Variants in KCNQ5 observed in about 807,000 individuals in gnomAD.
KCNQ5 encodes the protein potassium voltage-gated channel subfamily Q member 5.
A neutral mutation model predicts 98.2 loss-of-function variants in KCNQ5; 30 were observed. The ratio of observed to expected loss-of-function variants is 0.31; its 90% confidence interval spans 0.23 to 0.41. The LOEUF (loss-of-function observed/expected upper bound fraction) is 0.41. Among genes scored for constraint, KCNQ5 ranks in the 10% least tolerant of loss-of-function variants. The pLI is 1.00. For missense variants in KCNQ5, 835 were observed against 1,182.5 expected, an observed-to-expected ratio of 0.71 and a Z score of 4.31; for synonymous variants, 458 against 449.4, an observed-to-expected ratio of 1.02 and a Z score of -0.24.
At chr6:73,166,896 G>T (rs1006306248) in intron 10 of KCNQ5, among the ~76,000 whole-genome samples, 11 of 152,114 alleles carry the variant, frequency 7.2e-5, no homozygotes, top group African/African-American at 2.2e-4. Context: ...CATTTTTGCT[G>T]CATTTAGGGT....
rs181140353 is a variant in KCNQ5, at chr6:72,958,664, T to C, written c.399-45244T>C. ...GAGGCCTAACATATGAGGTACATAA[T>C]AAATATGTGTTCAATTAATGTTATC... is the stretch of plus-strand genomic sequence containing the variant. On this transcript the variant is annotated intron_variant, in intron 1 of 13. Coordinates refer to ENST00000370398, the MANE Select transcript of KCNQ5 (RefSeq NM_019842.4). Among the ~76,000 whole-genome samples the C allele has an allele frequency of 4.6e-5, 7 of 152,342 alleles. No individual in the cohort carries two copies. In the East Asian group the frequency reaches 1.3e-3, roughly 29 times the overall value.
intron 2 of KCNQ5, among the ~76,000 whole-genome samples, chr6:73,030,539 A>AATTTTTTTTT (rs1171053345): frequency 1.3e-5 from 2 of 152,222 alleles, no homozygotes; most frequent in African/African-American, 2.4e-5. Flanking sequence ...AAAAATAAAT[A>AATTTTTTTTT]ATCTTAGGTA....
intron 3 of KCNQ5, chr6:73,055,115 G>A (rs1354259188): frequency 1.3e-6 from 1 of 748,494 alleles, no homozygotes; most frequent in Admixed American, 1.7e-5. Flanking sequence ...CTACAAACTG[G>A]TGCAGATCCA....
At chr6:73,142,444 G>T (rs897025707) in intron 10 of KCNQ5, among the ~76,000 whole-genome samples, 2 of 150,382 alleles carry the variant, frequency 1.3e-5, no homozygotes, top group African/African-American at 4.9e-5. Context: ...AACGACATGG[G>T]TTTATAACTT....
intron 1 of KCNQ5, chr6:72,986,558 A>G: frequency 1.7e-6 from 1 of 587,400 alleles, no homozygotes; most frequent in Non-Finnish European, 3.1e-6. Flanking sequence ...TAGTGAAGAA[A>G]ACAAGTAAAA....
intron 1 of KCNQ5, among the ~76,000 whole-genome samples, chr6:72,811,468 G>A (rs1775237401): frequency 6.6e-6 from 1 of 152,004 alleles, no homozygotes; most frequent in South Asian, 2.1e-4. Flanking sequence ...TTTTCTGTTT[G>A]TGGATAAGTA....
chr6:72,844,141 A>G (rs1010322339), intron 1 of KCNQ5, among the ~76,000 whole-genome samples: 1 of 152,196 alleles, frequency 6.6e-6, no homozygotes, highest in Non-Finnish European at 1.5e-5. Context: ...CTGCACATAT[A>G]TCCCAGAACT....
intron 1 of KCNQ5, among the ~76,000 whole-genome samples, chr6:72,756,586 A>G (rs751283712): frequency 2.0e-5 from 3 of 152,188 alleles, no homozygotes; most frequent in Non-Finnish European, 2.9e-5. Flanking sequence ...CAAAGGGTCT[A>G]TTTCTACATA....
chr6:72,974,149 G>T (rs1012114044), intron 1 of KCNQ5, among the ~76,000 whole-genome samples: 5 of 152,156 alleles, frequency 3.3e-5, no homozygotes, highest in Non-Finnish European at 5.9e-5. Flanking sequence ...ACCAAATCCA[G>T]CTTTCCACTT....
At chr6:72,946,486 A>G (rs964890299) in intron 1 of KCNQ5, among the ~76,000 whole-genome samples, 2 of 152,162 alleles carry the variant, frequency 1.3e-5, no homozygotes, top group Admixed American at 6.5e-5. Flanking sequence ...AGCAAGACGT[A>G]TTGCTTATTT....
intron 1 of KCNQ5, among the ~76,000 whole-genome samples, chr6:72,945,459 T>G (rs1355605526): frequency 3.9e-5 from 4 of 101,842 alleles, no homozygotes; most frequent in East Asian, 2.7e-4. Context: ...TGTGTCCATG[T>G]TTTTTTTTTT....
chr6:72,729,657 G>A (rs1461310263), intron 1 of KCNQ5, among the ~76,000 whole-genome samples: 1 of 152,170 alleles, frequency 6.6e-6, no homozygotes, highest in Non-Finnish European at 1.5e-5. Context: ...ATAATATAAA[G>A]AGGGCTTCTT....
chr6:72,811,748 T>A (rs550632722), intron 1 of KCNQ5, among the ~76,000 whole-genome samples: 30 of 152,294 alleles, frequency 2.0e-4, no homozygotes, highest in African/African-American at 7.2e-4. Context: ...GGGTCCCAGT[T>A]CAGACCCCTA....
intron 1 of KCNQ5, among the ~76,000 whole-genome samples, chr6:72,666,005 G>A (rs761714488): frequency 4.6e-5 from 7 of 152,000 alleles, no homozygotes; most frequent in East Asian, 1.9e-4. Flanking sequence ...ATTTGTTTCC[G>A]TAATCAGAAT....
In KCNQ5 at chr6:72,622,089, C is replaced by A. The variant is rs369994615; in HGVS notation, c.-101C>A. On this transcript the variant is annotated 5_prime_UTR_variant, in exon 1 of 14. Coordinates refer to ENST00000370398, the MANE Select transcript of KCNQ5 (RefSeq NM_019842.4). The surrounding 1 kb of genome is among the most constrained non-coding windows in gnomAD (Gnocchi z 6.0). ...AGAGGTCTCTGGCTGGCGGGCGCCCCGTCGGCCGCCGGCTTCCTCCTTGAA... is the reference window on the plus strand; with the variant it reads ...AGAGGTCTCTGGCTGGCGGGCGCCCAGTCGGCCGCCGGCTTCCTCCTTGAA... The A allele has an allele frequency of 3.8e-6, 4 of 1,061,184 alleles. No homozygotes were observed. Among genetic ancestry groups the A allele is most frequent in the South Asian group, 4.8e-5 (1 of 20,682 alleles). 65.7% of individuals were successfully genotyped at this position (1,061,184 alleles called of 1,614,324 possible). A position where few individuals can be genotyped will look rare whatever the true frequency, so the allele number is the denominator to read the frequency against.
rs983423204 is a variant in KCNQ5, at chr6:73,056,073, G to A, written c.616+14011G>A. 5.9e-5 allele frequency among the ~76,000 whole-genome samples: 9 copies of A among 152,322 alleles called. No homozygotes were observed. The East Asian group carries it at 1.7e-3, about 29-fold the overall frequency. ...TCTAGGGCACAGGTTCTCAGTCTAA[G>A]CTGTGGAAAAGCCCCCCTTATCCAA... On this transcript the variant is annotated intron_variant, in intron 3 of 13. Transcript: ENST00000370398.
intron 1 of KCNQ5, among the ~76,000 whole-genome samples, chr6:72,910,607 G>T (rs76197152): frequency 0.066 from 5,545 of 84,018 alleles, 125 homozygotes; most frequent in Middle Eastern, 0.077. Context: ...TGTGTGTGTG[G>T]CTGATAAATT....
intron 1 of KCNQ5, among the ~76,000 whole-genome samples, chr6:72,929,323 G>A (rs530235659): frequency 3.3e-5 from 5 of 152,102 alleles, no homozygotes; most frequent in East Asian, 3.9e-4. Flanking sequence ...ATTAAAGTTC[G>A]GTGGAATAAG....
At chr6:72,955,208 A>G (rs1766984567) in intron 1 of KCNQ5, among the ~76,000 whole-genome samples, 1 of 152,234 alleles carries the variant, frequency 6.6e-6, no homozygotes, top group Admixed American at 6.5e-5. Flanking sequence ...AACAGTTCCT[A>G]AAGTGAACCT....
Sources: gnomAD v4.1 joint callset for allele counts (sites outside exome capture counted in the v4.1 genomes callset) on GRCh38, gnomAD v4.1.1 for gene constraint, Gnocchi (gnomAD v3.1) non-coding constraint, MANE v1.5 for transcripts, NCBI Gene and HGNC (gene_info 2026-07-23, HGNC 2026-07-21) for gene names.